The following ZNRF1 variants were observed in gnomAD, a reference collection of about 807,000 sequenced individuals.
ZNRF1 encodes zinc and ring finger 1.
ZNRF1 carries 3 observed loss-of-function variants against 18.4 expected under a neutral mutation model. That is an observed-to-expected ratio of 0.16 (90% CI 0.07 to 0.42). The LOEUF is 0.42. ZNRF1 is among the 10% of genes least tolerant of loss of function. ZNRF1 has a pLI of 0.99. For synonymous variants in ZNRF1, 157 were observed against 144.2 expected (o/e 1.09, Z -0.64); for missense variants, 310 against 329.8 (o/e 0.94, Z 0.47).
chr16:75,036,295 A>G (rs1372388817), intron 1 of ZNRF1, among the ~76,000 whole-genome samples: 1 of 151,984 alleles, frequency 6.6e-6, no homozygotes. Context: ...ATGCCAGGCT[A>G]ATTTTTGTAT....
At chr16:75,010,463 C>T (rs745826798) in intron 1 of ZNRF1, among the ~76,000 whole-genome samples, 1 of 152,012 alleles carries the variant, frequency 6.6e-6, no homozygotes, top group African/African-American at 2.4e-5. Flanking sequence ...TGTCTCATGC[C>T]AAGAGATTTT....
chr16:75,040,520 T>C (rs1278124729), intron 1 of ZNRF1, among the ~76,000 whole-genome samples: 1 of 151,716 alleles, frequency 6.6e-6, no homozygotes, highest in South Asian at 2.1e-4. Context: ...GAATTTCATA[T>C]AAATGAAATC....
chr16:75,056,103 T>TGAC (rs1243098845), intron 1 of ZNRF1, among the ~76,000 whole-genome samples: 2 of 152,236 alleles, frequency 1.3e-5, no homozygotes, highest in Admixed American at 1.3e-4. Context: ...TGATGGTCAG[T>TGAC]TCTGCAGGTG....
chr16:75,034,665 T>C (rs2035354137), intron 1 of ZNRF1, among the ~76,000 whole-genome samples: 1 of 152,194 alleles, frequency 6.6e-6, no homozygotes, highest in Admixed American at 6.5e-5. Flanking sequence ...CCTGGCTCCG[T>C]TACCCAGTCT....
intron 1 of ZNRF1, among the ~76,000 whole-genome samples, chr16:75,029,913 C>A (rs983632626): frequency 6.6e-6 from 1 of 151,632 alleles, no homozygotes; most frequent in Non-Finnish European, 1.5e-5. Flanking sequence ...AAAAAATTAG[C>A]CAGGTGTTGT....
At chr16:75,082,391 C>T (rs895092071) in intron 1 of ZNRF1, among the ~76,000 whole-genome samples, 4 of 152,224 alleles carry the variant, frequency 2.6e-5, no homozygotes, top group African/African-American at 4.8e-5. Flanking sequence ...GGCTGGAATA[C>T]TGTTGCTGAG....
chr16:75,108,626 T>C lies in ZNRF1; in HGVS notation c.*926T>C, dbSNP rs1185054556. The C allele has an allele frequency of 5.0e-6, 2 of 398,810 alleles. No individual in the cohort carries two copies. Among genetic ancestry groups the C allele is most frequent in the African/African-American group, 4.1e-5 (2 of 48,636 alleles). 24.7% of individuals were successfully genotyped at this position (398,810 alleles called of 1,614,324 possible). On this transcript the variant is annotated 3_prime_UTR_variant, in exon 5 of 5. Coordinates refer to ENST00000335325, the MANE Select transcript of ZNRF1 (RefSeq NM_032268.5). ...TACAAAAAAAAACTTATAAAATGTT[T>C]AAAAAAATGTTCAAAGCTTGGGAGA...
chr16:75,009,491 A>G lies in ZNRF1; in HGVS notation c.424+9396A>G, dbSNP rs185592488. Among the ~76,000 whole-genome samples, 690 of 152,256 alleles carry G rather than the reference A, an allele frequency of 4.5e-3. 6 individuals carry two copies. Among genetic ancestry groups the G allele is most frequent in the African/African-American group, 0.016 (662 of 41,552 alleles). On this transcript the variant is annotated intron_variant, in intron 1 of 4. Transcript: ENST00000335325. ...TCTTTTAAAGGTTGAATCGTATTCC[A>G]TTGTCTGTCTACCACGTTTTACTTT...
Position 75,109,799 on chromosome 16 carries a change from G to C in ZNRF1, c.*2099G>C, listed in dbSNP as rs1337520485. 6.6e-6 allele frequency: 1 copy of C among 152,288 alleles called. No individual in the cohort carries two copies. Among genetic ancestry groups the C allele is most frequent in the South Asian group, 2.1e-4 (1 of 4,830 alleles). The allele number at this position is 152,288 out of a possible 1,614,324, so 9.4% of individuals were successfully genotyped here. A position where few individuals can be genotyped will look rare whatever the true frequency, so the allele number is the denominator to read the frequency against. ...GGGGGCTGGGGGAGCTGCCCTGCAGGTCTTGGCACATGCACAGCAGGCTCC... is the reference window on the plus strand; with the variant it reads ...GGGGGCTGGGGGAGCTGCCCTGCAGCTCTTGGCACATGCACAGCAGGCTCC... On this transcript the variant is annotated 3_prime_UTR_variant, in exon 5 of 5. Coordinates refer to ENST00000335325, the MANE Select transcript of ZNRF1 (RefSeq NM_032268.5).
intron 1 of ZNRF1, among the ~76,000 whole-genome samples, chr16:75,067,163 T>C (rs1210344502): frequency 6.6e-6 from 1 of 152,198 alleles, no homozygotes; most frequent in Non-Finnish European, 1.5e-5. Flanking sequence ...ATCTCTCCAA[T>C]GTGGTGCCTT....
At chr16:75,082,981 T>G (rs2036032481) in intron 1 of ZNRF1, among the ~76,000 whole-genome samples, 1 of 152,222 alleles carries the variant, frequency 6.6e-6, no homozygotes, top group African/African-American at 2.4e-5. Flanking sequence ...AACTTTAAAA[T>G]CGAGATGTGC....
chr16:75,047,723 T>A (rs1213765840), intron 1 of ZNRF1, among the ~76,000 whole-genome samples: 1 of 152,180 alleles, frequency 6.6e-6, no homozygotes, highest in Admixed American at 6.5e-5. Flanking sequence ...TTTTAAGCCC[T>A]TAAATCTTTT....
At chr16:75,104,488 C>T (rs186725953) in intron 2 of ZNRF1, 120 of 254,072 alleles carry the variant, frequency 4.7e-4, no homozygotes, top group Admixed American at 2.9e-3. Flanking sequence ...GCTGCCCCTG[C>T]TTCCTGTCTA....
At chr16:75,069,067 T>G (rs1206640803) in intron 1 of ZNRF1, among the ~76,000 whole-genome samples, 1 of 152,116 alleles carries the variant, frequency 6.6e-6, no homozygotes, top group Non-Finnish European at 1.5e-5. Context: ...CTGCTGCTCT[T>G]TAGCCAAAGG....
At chr16:75,043,894 A>G (rs918312535) in intron 1 of ZNRF1, among the ~76,000 whole-genome samples, 1 of 143,524 alleles carries the variant, frequency 7.0e-6, no homozygotes, top group African/African-American at 2.6e-5. Context: ...GGTTCAAGCC[A>G]TTCTCCTGCC....
In ZNRF1 at chr16:75,106,590, G is replaced by A. The variant is rs369855759; in HGVS notation, c.*32+19G>A. On this transcript the variant is annotated intron_variant, in intron 4 of 4. Coordinates refer to ENST00000335325, the MANE Select transcript of ZNRF1 (RefSeq NM_032268.5). ...CTCAAAGGTGAGCCCGCGTTTGGGG[G>A]TGCTCCGGGCTCAAGGCTTGGGGTC... 19 of 1,609,918 alleles carry A rather than the reference G, an allele frequency of 1.2e-5. No homozygotes were observed. The highest frequency in any genetic ancestry group is 1.4e-5 in the Non-Finnish European group (17 of 1,176,654).
At chr16:75,074,742 A>T (rs979200054) in intron 1 of ZNRF1, among the ~76,000 whole-genome samples, 2 of 151,958 alleles carry the variant, frequency 1.3e-5, no homozygotes, top group Admixed American at 6.6e-5. Flanking sequence ...ACTCTATTCA[A>T]TTTTTTTGTT....
chr16:75,000,411 T>C (rs1306943243), intron 1 of ZNRF1: 4 of 540,840 alleles, frequency 7.4e-6, no homozygotes, highest in Non-Finnish European at 1.4e-5. Context: ...TGAGAGCAAG[T>C]CAGCCTGGGT....
rs567768149 is a variant in ZNRF1, at chr16:75,107,651, C to T, written c.*33-82C>T. 79 of 454,818 alleles carry T rather than the reference C, an allele frequency of 1.7e-4. 1 individual carries two copies. Among genetic ancestry groups the T allele is most frequent in the African/African-American group, 6.6e-4 (33 of 50,150 alleles). 28.2% of individuals were successfully genotyped at this position (454,818 alleles called of 1,614,324 possible). ...GTGTAGACGCCCCAGCCCCGCCTGC[C>T]CTCTTGGGATGCAGCTGCCCTGGGA... On this transcript the variant is annotated intron_variant, in intron 4 of 4. Coordinates refer to ENST00000335325, the MANE Select transcript of ZNRF1 (RefSeq NM_032268.5).
Sources: gnomAD v4.1 joint callset for allele counts (sites outside exome capture counted in the v4.1 genomes callset) on GRCh38, gnomAD v4.1.1 for gene constraint, MANE v1.5 for transcripts, NCBI Gene and HGNC (gene_info 2026-07-23, HGNC 2026-07-21) for gene names.